Variants in PCDHGA9 observed in about 807,000 individuals in gnomAD.
PCDHGA9 encodes the protein protocadherin gamma subfamily A, 9.
A neutral mutation model predicts 62.5 loss-of-function variants in PCDHGA9; 37 were observed. The observed-to-expected ratio is 0.59, with a 90% CI of 0.46 to 0.78. PCDHGA9 has a LOEUF of 0.78. PCDHGA9 is among the 30% of genes least tolerant of loss of function. PCDHGA9 has a pLI of 0.00. For missense variants in PCDHGA9, 1,138 were observed against 1,166.2 expected, an observed-to-expected ratio of 0.98 and a Z score of 0.35; for synonymous variants, 459 against 484.6, an observed-to-expected ratio of 0.95 and a Z score of 0.69.
chr5:141,426,704 A>C, intron 1 of PCDHGA9: 1 of 440,322 alleles, frequency 2.3e-6, no homozygotes, highest in South Asian at 1.6e-5. Context: ...TTGTTTTACA[A>C]ATCAATGAAC....
rs1228327431 is a variant in PCDHGA9, at chr5:141,403,543, G to C, written c.591G>C (p.Glu197Asp). The change falls in exon 1 of 4, where the codon GAG (glutamate) becomes GAC (aspartate). Residue 197 changes from glutamate (E) to aspartate (D), a missense_variant. Transcript: ENST00000573521. Reference protein sequence around the residue: ...NGAINPELVLERALDREEATA... With the variant: ...NGAINPELVLDRALDREEATA... ...CCATAAACCCAGAGCTGGTGCTGGA[G>C]CGCGCCCTGGACAGGGAGGAGGCAA... is the stretch of plus-strand genomic sequence containing the variant. The C allele has an allele frequency of 1.2e-6, 2 of 1,614,006 alleles. No homozygotes were observed. The highest frequency in any genetic ancestry group is 1.7e-6 in the Non-Finnish European group (2 of 1,179,872).
Position 141,511,380 on chromosome 5 carries a change from C to T in PCDHGA9, c.*207C>T, listed in dbSNP as rs896762148. 1.5e-5 allele frequency: 18 copies of T among 1,170,372 alleles called. No homozygotes were observed. The highest frequency in any genetic ancestry group is 3.0e-4 in the Middle Eastern group (1 of 3,384). 72.5% of individuals were successfully genotyped at this position (1,170,372 alleles called of 1,614,324 possible). ...GGGGTTGAATATGCAAAAGCAGTTC[C>T]GCTGGGAACCCCCATCCAATCAACT... is the stretch of plus-strand genomic sequence containing the variant. On this transcript the variant is annotated 3_prime_UTR_variant, in exon 4 of 4. Coordinates refer to ENST00000573521, the MANE Select transcript of PCDHGA9 (RefSeq NM_018921.3).
intron 1 of PCDHGA9, chr5:141,492,050 C>T (rs2099736541): frequency 4.0e-6 from 2 of 500,984 alleles, no homozygotes; most frequent in South Asian, 7.5e-5. Context: ...AGATCCACCC[C>T]TGCAGCCAGC....
At position 141,487,543 on chromosome 5, in the gene PCDHGA9, A is replaced by G. The variant is rs2099649285; in HGVS notation, c.2425-7264A>G. On this transcript the variant is annotated intron_variant, in intron 1 of 3. Coordinates refer to ENST00000573521, the MANE Select transcript of PCDHGA9 (RefSeq NM_018921.3). This position sits in a 1 kb window ranked among gnomAD's most constrained non-coding sequence, Gnocchi z 5.0. ...GTGATAGCTTCATGATGGTGAAGTC[A>G]CCCAGTGCACCTATGGCAGGGGAGC... is the stretch of plus-strand genomic sequence containing the variant. The G allele has an allele frequency of 3.7e-6, 6 of 1,614,114 alleles. No homozygotes were observed. In the South Asian group the frequency reaches 5.5e-5, roughly 15 times the overall value.
Position 141,511,380 on chromosome 5 carries a change from C to G in PCDHGA9, c.*207C>G. The G allele has an allele frequency of 7.7e-6, 9 of 1,170,490 alleles. No individual in the cohort carries two copies. The highest frequency in any genetic ancestry group is 1.1e-5 in the Non-Finnish European group (9 of 854,564). 72.5% of individuals were successfully genotyped at this position (1,170,490 alleles called of 1,614,324 possible). A position where few individuals can be genotyped will look rare whatever the true frequency, so the allele number is the denominator to read the frequency against. On this transcript the variant is annotated 3_prime_UTR_variant, in exon 4 of 4. Transcript: ENST00000573521. ...GGGGTTGAATATGCAAAAGCAGTTC[C>G]GCTGGGAACCCCCATCCAATCAACT...
Position 141,485,330 on chromosome 5 carries a change from C to T in PCDHGA9, c.2425-9477C>T. On this transcript the variant is annotated intron_variant, in intron 1 of 3. Transcript: ENST00000573521. This position sits in a 1 kb window ranked among gnomAD's most constrained non-coding sequence, Gnocchi z 5.7. ...TGTAGGGAATGTCGCTCAAGATTTC[C>T]TGCTGGATACGGACAGTCTGTCAGC... 6.2e-7 allele frequency: 1 copy of T among 1,614,164 alleles called. No individual in the cohort carries two copies. Among genetic ancestry groups the T allele is most frequent in the East Asian group, 2.2e-5 (1 of 44,862 alleles).
At position 141,413,764 on chromosome 5, in the gene PCDHGA9, G is replaced by A. The variant is rs749419039; in HGVS notation, c.2424+8388G>A. 28 of 1,612,716 alleles carry A rather than the reference G, an allele frequency of 1.7e-5. No individual in the cohort carries two copies. Among genetic ancestry groups the A allele is most frequent in the Non-Finnish European group, 2.2e-5 (26 of 1,179,878 alleles). On this transcript the variant is annotated intron_variant, in intron 1 of 3. Coordinates refer to ENST00000573521, the MANE Select transcript of PCDHGA9 (RefSeq NM_018921.3). ...CCGTGCCAATGGCGTCAAGTACCCG[G>A]AGCTGGTACTGGAGCACTCCCTAGA... is the stretch of plus-strand genomic sequence containing the variant.
At chr5:141,506,444 C>CAAA (rs1219684339) in intron 3 of PCDHGA9, among the ~76,000 whole-genome samples, 2 of 95,018 alleles carry the variant, frequency 2.1e-5, no homozygotes, top group African/African-American at 7.9e-5. Context: ...CGCTCTGTCT[C>CAAA]AAAAAAAAAA....
At chr5:141,452,412 T>G (rs1009940351) in intron 1 of PCDHGA9, among the ~76,000 whole-genome samples, 2 of 152,222 alleles carry the variant, frequency 1.3e-5, no homozygotes, top group Non-Finnish European at 2.9e-5. Context: ...GTGTGAGGTA[T>G]GCTCACTGCT....
Position 141,487,306 on chromosome 5 carries a change from ACT to A in PCDHGA9, c.2425-7496_2425-7495del. 1 of 1,613,414 alleles carries A rather than the reference ACT, an allele frequency of 6.2e-7. No individual in the cohort carries two copies. The highest frequency in any genetic ancestry group is 8.5e-7 in the Non-Finnish European group (1 of 1,179,874). ...TCTCCTTTGGCTCATTCGTGGCACT[ACT>A]CTCTAAGTGTCTTCGTGGGGCAGCC... On this transcript the variant is annotated intron_variant, in intron 1 of 3. Coordinates refer to ENST00000573521, the MANE Select transcript of PCDHGA9 (RefSeq NM_018921.3). The surrounding 1 kb of genome is among the most constrained non-coding windows in gnomAD (Gnocchi z 5.0).
intron 1 of PCDHGA9, among the ~76,000 whole-genome samples, chr5:141,488,600 A>G (rs2099677400): frequency 6.6e-6 from 1 of 152,166 alleles, no homozygotes; most frequent in Admixed American, 6.5e-5. Flanking sequence ...AAGACTTTAC[A>G]AGGTTCTTAC....
intron 1 of PCDHGA9, chr5:141,475,832 T>C: frequency 2.4e-6 from 1 of 410,610 alleles, no homozygotes; most frequent in Non-Finnish European, 4.4e-6. Flanking sequence ...CTAGCGCGTG[T>C]CCTGCTCAGA....
At chr5:141,500,086 A>G (rs1456179271) in intron 2 of PCDHGA9, among the ~76,000 whole-genome samples, 1 of 151,682 alleles carries the variant, frequency 6.6e-6, no homozygotes, top group Non-Finnish European at 1.5e-5. Flanking sequence ...TCCATCTTCC[A>G]TTTTTGCAAT....
intron 1 of PCDHGA9, among the ~76,000 whole-genome samples, chr5:141,465,407 A>G (rs1019401245): frequency 6.6e-6 from 1 of 152,218 alleles, no homozygotes; most frequent in African/African-American, 2.4e-5. Flanking sequence ...AGAAGAAGCC[A>G]AATCAGCACT....
intron 1 of PCDHGA9, among the ~76,000 whole-genome samples, chr5:141,450,112 T>G (rs2098669735): frequency 6.6e-6 from 1 of 150,618 alleles, no homozygotes; most frequent in Non-Finnish European, 1.5e-5. Context: ...GTTCAAATGA[T>G]TCTCCTGCCT....
intron 1 of PCDHGA9, chr5:141,410,134 C>T: frequency 6.2e-7 from 1 of 1,612,766 alleles, no homozygotes; most frequent in East Asian, 2.2e-5. Flanking sequence ...GCCTGCTGGT[C>T]GCTGTGCGTG....
intron 1 of PCDHGA9, chr5:141,422,758 A>AAC (rs748292321): frequency 6.2e-7 from 1 of 1,613,150 alleles, no homozygotes. Flanking sequence ...TATTAACTCC[A>AAC]ACACTGGTGT....
At chr5:141,418,029 G>A (rs775326655) in intron 1 of PCDHGA9, 1 of 1,614,022 alleles carries the variant, frequency 6.2e-7, no homozygotes, top group Non-Finnish European at 8.5e-7. Context: ...CTAGGGCTTA[G>A]TGTCCTGGAT....
intron 1 of PCDHGA9, chr5:141,418,035 T>C: frequency 6.2e-7 from 1 of 1,614,000 alleles, no homozygotes; most frequent in Non-Finnish European, 8.5e-7. Context: ...CTTAGTGTCC[T>C]GGATGTGTCG....
Sources: gnomAD v4.1 joint callset for allele counts (sites outside exome capture counted in the v4.1 genomes callset) on GRCh38, gnomAD v4.1.1 for gene constraint, Gnocchi (gnomAD v3.1) non-coding constraint, MANE v1.5 for transcripts, NCBI Gene and HGNC (gene_info 2026-07-23, HGNC 2026-07-21) for gene names.